The following TENM3 variants were observed in gnomAD, a reference collection of about 807,000 sequenced individuals.
TENM3 encodes the protein teneurin transmembrane protein 3, also known as teneurin-3.
In TENM3, 63 loss-of-function variants were observed where a neutral mutation model predicts 255.1. The ratio of observed to expected loss-of-function variants is 0.25; its 90% confidence interval spans 0.20 to 0.30. TENM3 has a LOEUF of 0.30. Ranked by LOEUF, TENM3 falls within the 10% of genes least tolerant of loss-of-function variation. The probability of loss-of-function intolerance (pLI) is 1.00; values close to 1 mark genes in which losing one functional copy is unlikely to be tolerated. For synonymous variants in TENM3, 1,306 were observed against 1,322.3 expected, an observed-to-expected ratio of 0.99 and a Z score of 0.27; for missense variants, 2,929 against 3,461.1, an observed-to-expected ratio of 0.85 and a Z score of 3.86.
At chr4:182,583,597 T>G (rs556082726) in intron 3 of TENM3, among the ~76,000 whole-genome samples, 2 of 152,124 alleles carry the variant, frequency 1.3e-5, no homozygotes, top group African/African-American at 4.8e-5. Context: ...TTCATTTATA[T>G]CTCCCTAATT....
At chr4:181,713,607 G>A in the TENM3 span, among the ~76,000 whole-genome samples, 5 of 151,906 alleles carry the variant, frequency 3.3e-5, no homozygotes, top group Non-Finnish European at 5.9e-5. Flanking sequence ...ACCTGCCCTC[G>A]AAAAGATGTA....
chr4:182,133,884 T>C, the TENM3 span, among the ~76,000 whole-genome samples: 1 of 152,218 alleles, frequency 6.6e-6, no homozygotes, highest in African/African-American at 2.4e-5. Flanking sequence ...CAGGGCAATA[T>C]TTCTCAAACT....
At chr4:182,066,599 A>AAATATATATATATAT in the TENM3 span, among the ~76,000 whole-genome samples, 2 of 137,106 alleles carry the variant, frequency 1.5e-5, no homozygotes, top group Non-Finnish European at 3.1e-5. Flanking sequence ...GTAAAAAAAA[A>AAATATATATATATAT]ATATATATAT....
chr4:181,485,873 C>G, the TENM3 span, among the ~76,000 whole-genome samples: 2 of 152,040 alleles, frequency 1.3e-5, no homozygotes, highest in East Asian at 3.9e-4. Context: ...ATGAACCAAT[C>G]CTTACTAAAA....
At chr4:182,555,733 T>G (rs980993425) in intron 3 of TENM3, among the ~76,000 whole-genome samples, 2 of 152,208 alleles carry the variant, frequency 1.3e-5, no homozygotes, top group African/African-American at 2.4e-5. Flanking sequence ...AATGCAATAA[T>G]GTATTTATTG....
At chr4:181,540,365 A>G in the TENM3 span, among the ~76,000 whole-genome samples, 3 of 152,240 alleles carry the variant, frequency 2.0e-5, no homozygotes, top group Non-Finnish European at 4.4e-5. Context: ...CTGGTGGTAG[A>G]AAATTCTAAA....
chr4:181,728,767 C>A, the TENM3 span, among the ~76,000 whole-genome samples: 11 of 152,262 alleles, frequency 7.2e-5, no homozygotes, highest in Non-Finnish European at 1.3e-4. Flanking sequence ...GAATGCCTAA[C>A]CTCCTGGGAA....
chr4:182,676,677 G>A (rs1204688858), intron 7 of TENM3, among the ~76,000 whole-genome samples: 1 of 152,100 alleles, frequency 6.6e-6, no homozygotes, highest in African/African-American at 2.4e-5. Context: ...TTTTTAAATG[G>A]TCTATTAGAT....
the TENM3 span, among the ~76,000 whole-genome samples, chr4:181,913,774 G>C: frequency 6.6e-6 from 1 of 152,102 alleles, no homozygotes; most frequent in Non-Finnish European, 1.5e-5. Flanking sequence ...TGACATATTG[G>C]TTCTTTGAGG....
At chr4:182,450,624 A>G (rs1169754403) in intron 3 of TENM3, among the ~76,000 whole-genome samples, 1 of 152,186 alleles carries the variant, frequency 6.6e-6, no homozygotes, top group Non-Finnish European at 1.5e-5. Flanking sequence ...GAGAGACTGA[A>G]ACTCACAAAA....
At chr4:182,775,956 TGATAGATA>T (rs60739992) in intron 24 of TENM3, among the ~76,000 whole-genome samples, 10 of 151,148 alleles carry the variant, frequency 6.6e-5, no homozygotes, top group African/African-American at 2.0e-4. Context: ...GATATGTAGA[TGATAGATA>T]GATAGATAGA....
chr4:182,331,917 A>C lies in TENM3; in HGVS notation c.232+7665A>C, dbSNP rs547580913. Among the ~76,000 whole-genome samples the C allele has an allele frequency of 7.9e-5, 12 of 152,376 alleles. No individual in the cohort carries two copies. The East Asian group carries it at 1.5e-3, about 20-fold the overall frequency. On this transcript the variant is annotated intron_variant, in intron 2 of 27. Coordinates refer to ENST00000511685, the MANE Select transcript of TENM3 (RefSeq NM_001080477.4). ...AACACGTTAGTAGTGAGATATTTTG[A>C]TTCACTTCTTTTAGAATCAGGCAGA...
the TENM3 span, among the ~76,000 whole-genome samples, chr4:181,808,021 G>T: frequency 6.6e-6 from 1 of 152,114 alleles, no homozygotes; most frequent in South Asian, 2.1e-4. Flanking sequence ...TTTCCCATGG[G>T]AGCTCCCTAA....
the TENM3 span, among the ~76,000 whole-genome samples, chr4:182,044,364 T>C: frequency 2.0e-5 from 3 of 152,234 alleles, no homozygotes; most frequent in Non-Finnish European, 4.4e-5. Flanking sequence ...ATCTAGTGGG[T>C]ATGCTCTTAC....
the TENM3 span, among the ~76,000 whole-genome samples, chr4:181,579,015 C>G: frequency 2.2e-4 from 33 of 152,072 alleles, no homozygotes; most frequent in African/African-American, 8.0e-4. Flanking sequence ...TGTGAGACAG[C>G]GCTCATGAGA....
chr4:182,730,833 T>G (rs758549286), intron 15 of TENM3, 45 bp from the exon 16 acceptor site: 1 of 1,600,890 alleles, frequency 6.2e-7, no homozygotes, highest in Non-Finnish European at 8.5e-7. Context: ...TTGGTAGTTA[T>G]GTGGGATCCA....
the TENM3 span, among the ~76,000 whole-genome samples, chr4:181,490,056 G>A: frequency 3.3e-5 from 5 of 151,998 alleles, no homozygotes; most frequent in Non-Finnish European, 7.4e-5. Context: ...ATACATATTA[G>A]TTGTACCTAT....
chr4:181,892,120 C>T, the TENM3 span, among the ~76,000 whole-genome samples: 1 of 152,162 alleles, frequency 6.6e-6, no homozygotes, highest in African/African-American at 2.4e-5. Context: ...CTATTCTTTG[C>T]AAATTACATA....
At chr4:182,007,974 G>T in the TENM3 span, among the ~76,000 whole-genome samples, 1 of 152,080 alleles carries the variant, frequency 6.6e-6, no homozygotes, top group African/African-American at 2.4e-5. Context: ...TTTCTCCTTT[G>T]CTTATGAAGC....
Sources: gnomAD v4.1 joint callset for allele counts (sites outside exome capture counted in the v4.1 genomes callset) on GRCh38, gnomAD v4.1.1 for gene constraint, MANE v1.5 for transcripts, NCBI Gene and HGNC (gene_info 2026-07-23, HGNC 2026-07-21) for gene names.